Variants in RANBP2 observed in about 807,000 individuals in gnomAD.
RANBP2 encodes E3 SUMO-protein ligase RanBP2.
A neutral mutation model predicts 303.6 loss-of-function variants in RANBP2; 57 were observed. The ratio of observed to expected loss-of-function variants is 0.19; its 90% confidence interval spans 0.15 to 0.23. The LOEUF (loss-of-function observed/expected upper bound fraction) is 0.23. Among genes scored for constraint, RANBP2 ranks in the 10% least tolerant of loss-of-function variants. RANBP2 has a pLI of 1.00. For synonymous variants in RANBP2, 1,167 were observed against 1,301.5 expected, an observed-to-expected ratio of 0.90 and a Z score of 2.23; for missense variants, 3,138 against 3,780.8, an observed-to-expected ratio of 0.83 and a Z score of 4.46.
At chr2:109,621,383 C>T in the RANBP2 span, among the ~76,000 whole-genome samples, 1 of 152,020 alleles carries the variant, frequency 6.6e-6, no homozygotes, top group African/African-American at 2.4e-5. Context: ...GATCTCCTGA[C>T]CTCGTGATCT....
chr2:109,206,876 C>T, the RANBP2 span, among the ~76,000 whole-genome samples: 1 of 152,228 alleles, frequency 6.6e-6, no homozygotes, highest in African/African-American at 2.4e-5. Flanking sequence ...TGAGCATTCT[C>T]AGTGCCCCTT....
chr2:109,213,980 T>A, the RANBP2 span, among the ~76,000 whole-genome samples: 75 of 151,908 alleles, frequency 4.9e-4, 1 homozygote, highest in South Asian at 2.1e-4. Context: ...AAAAGACCTG[T>A]GGATTGGGTG....
At chr2:108,890,491 C>T in the RANBP2 span, among the ~76,000 whole-genome samples, 1 of 152,140 alleles carries the variant, frequency 6.6e-6, no homozygotes, top group East Asian at 1.9e-4. Flanking sequence ...GTGATCTACC[C>T]ATCTCAGCCT....
chr2:109,404,372 G>A, the RANBP2 span, among the ~76,000 whole-genome samples: 6 of 152,230 alleles, frequency 3.9e-5, no homozygotes, highest in African/African-American at 1.4e-4. Context: ...GTGGGGTGCC[G>A]ATGCAGAACA....
the RANBP2 span, among the ~76,000 whole-genome samples, chr2:109,149,750 CGTT>C: frequency 6.6e-6 from 1 of 152,280 alleles, no homozygotes; most frequent in Non-Finnish European, 1.5e-5. Context: ...TCTATCAAGA[CGTT>C]GTGAGTAAGT....
chr2:109,413,601 C>T, the RANBP2 span, among the ~76,000 whole-genome samples: 1 of 152,266 alleles, frequency 6.6e-6, no homozygotes, highest in Non-Finnish European at 1.5e-5. Context: ...TCTACAAGCC[C>T]AAATCACCAG....
At chr2:108,730,711 C>A in intron 2 of RANBP2, 63 bp from the exon 3 acceptor site, 1 of 1,568,220 alleles carries the variant, frequency 6.4e-7, no homozygotes, top group South Asian at 1.1e-5. Context: ...ATGTATTCTT[C>A]GGTTAGCATT....
At chr2:109,552,189 A>G in the RANBP2 span, among the ~76,000 whole-genome samples, 1 of 152,164 alleles carries the variant, frequency 6.6e-6, no homozygotes, top group South Asian at 2.1e-4. Context: ...TCATCCTGAA[A>G]CCATCTCCCC....
At chr2:109,122,153 T>G in the RANBP2 span, among the ~76,000 whole-genome samples, 1 of 152,162 alleles carries the variant, frequency 6.6e-6, no homozygotes, top group Non-Finnish European at 1.5e-5. Flanking sequence ...ACGCTTTTGT[T>G]GAAAGAAATT....
chr2:109,149,054 C>T, the RANBP2 span, among the ~76,000 whole-genome samples: 1 of 152,162 alleles, frequency 6.6e-6, no homozygotes, highest in Non-Finnish European at 1.5e-5. Flanking sequence ...TTGCTCTTTC[C>T]TTCCTTCAGA....
the RANBP2 span, among the ~76,000 whole-genome samples, chr2:109,136,288 G>A: frequency 6.6e-6 from 1 of 152,058 alleles, no homozygotes; most frequent in Admixed American, 6.5e-5. Context: ...AGCACCACTT[G>A]AAGAGGCCAA....
At chr2:109,714,726 C>T in the RANBP2 span, among the ~76,000 whole-genome samples, 1 of 151,486 alleles carries the variant, frequency 6.6e-6, no homozygotes, top group Non-Finnish European at 1.5e-5. Context: ...TCTCCTGCCT[C>T]ATCCTTTGAG....
At chr2:108,741,034 T>C (rs3954203) in intron 7 of RANBP2, among the ~76,000 whole-genome samples, 4 of 152,276 alleles carry the variant, frequency 2.6e-5, no homozygotes, top group Non-Finnish European at 5.9e-5. Flanking sequence ...GGACAAAATC[T>C]TAATAAGTAG....
chr2:109,109,406 G>A, the RANBP2 span, among the ~76,000 whole-genome samples: 1 of 152,170 alleles, frequency 6.6e-6, no homozygotes, highest in East Asian at 1.9e-4. Flanking sequence ...AGTTCTAGCT[G>A]TGAATTTCAT....
chr2:109,341,055 C>A, the RANBP2 span, among the ~76,000 whole-genome samples: 2 of 152,314 alleles, frequency 1.3e-5, no homozygotes, highest in Admixed American at 1.3e-4. Flanking sequence ...GTTTGAAGGG[C>A]AAGTCGTGTT....
At chr2:108,796,388 T>C in the RANBP2 span, among the ~76,000 whole-genome samples, 180 of 152,310 alleles carry the variant, frequency 1.2e-3, no homozygotes, top group African/African-American at 4.0e-3. Flanking sequence ...CTTTAAAATT[T>C]ACTTTGTAAG....
chr2:109,586,471 T>C, the RANBP2 span, among the ~76,000 whole-genome samples: 15 of 152,200 alleles, frequency 9.9e-5, no homozygotes, highest in Non-Finnish European at 2.1e-4. Context: ...AGGGAAGTTA[T>C]AGTCTTAATG....
At chr2:108,979,605 G>C in the RANBP2 span, among the ~76,000 whole-genome samples, 1,500 of 152,222 alleles carry the variant, frequency 9.9e-3, 14 homozygotes, top group Middle Eastern at 0.034. Flanking sequence ...GAGCCATGCT[G>C]CTGAGGTGCA....
chr2:108,875,807 T>C, the RANBP2 span, among the ~76,000 whole-genome samples: 153 of 152,278 alleles, frequency 1.0e-3, no homozygotes, highest in Non-Finnish European at 1.7e-3. Flanking sequence ...TGCAGTAAGC[T>C]GTGTTCATGC....
Sources: gnomAD v4.1 joint callset for allele counts (sites outside exome capture counted in the v4.1 genomes callset) on GRCh38, gnomAD v4.1.1 for gene constraint, MANE v1.5 for transcripts, NCBI Gene and HGNC (gene_info 2026-07-23, HGNC 2026-07-21) for gene names.